Variants in NUDT3 observed in about 807,000 individuals in gnomAD.
NUDT3 encodes the protein nudix hydrolase 3, also known as diphosphoinositol polyphosphate phosphohydrolase 1.
A neutral mutation model predicts 23.6 loss-of-function variants in NUDT3; 9 were observed. That is an observed-to-expected ratio of 0.38 (90% confidence interval 0.23 to 0.66). NUDT3 has a LOEUF of 0.66. Among genes scored for constraint, NUDT3 ranks in the 30% least tolerant of loss-of-function variants. NUDT3 has a pLI of 0.52. For synonymous variants in NUDT3, 86 were observed against 82.6 expected (o/e 1.04, Z -0.22); for missense variants, 172 against 218.5 (o/e 0.79, Z 1.34).
chr6:34,335,965 A>G (rs958772118), intron 2 of NUDT3, among the ~76,000 whole-genome samples: 1 of 152,122 alleles, frequency 6.6e-6, no homozygotes, highest in Non-Finnish European at 1.5e-5. Flanking sequence ...ATTTTGCTAC[A>G]TGTATACAAT....
At chr6:34,331,559 C>T (rs1764128936) in intron 2 of NUDT3, among the ~76,000 whole-genome samples, 1 of 152,154 alleles carries the variant, frequency 6.6e-6, no homozygotes, top group Non-Finnish European at 1.5e-5. Context: ...AGGAGTAGCA[C>T]AGAAGTACTA....
intron 1 of NUDT3, among the ~76,000 whole-genome samples, chr6:34,361,344 G>T (rs1241672898): frequency 3.9e-5 from 6 of 152,200 alleles, no homozygotes; most frequent in Admixed American, 3.9e-4. Flanking sequence ...ACACCTATTA[G>T]AATAGCCAAA....
chr6:34,389,072 A>G (rs988698539), intron 1 of NUDT3, among the ~76,000 whole-genome samples: 5 of 151,772 alleles, frequency 3.3e-5, no homozygotes, highest in African/African-American at 1.2e-4. Flanking sequence ...GTTTGACAAT[A>G]GCCTGGGCAA....
chr6:34,358,115 CTATTT>C (rs1764591697), intron 1 of NUDT3, among the ~76,000 whole-genome samples: 1 of 152,124 alleles, frequency 6.6e-6, no homozygotes, highest in African/African-American at 2.4e-5. Context: ...TAGTAGTATT[CTATTT>C]TAAGTATCAC....
chr6:34,391,028 T>A, intron 1 of NUDT3, among the ~76,000 whole-genome samples: 1 of 152,218 alleles, frequency 6.6e-6, no homozygotes, highest in East Asian at 1.9e-4. Flanking sequence ...TCGTTCTGTT[T>A]TGCTGAAAGG....
chr6:34,373,911 T>C (rs1166401755), intron 1 of NUDT3, among the ~76,000 whole-genome samples: 1 of 152,172 alleles, frequency 6.6e-6, no homozygotes, highest in African/African-American at 2.4e-5. Flanking sequence ...CCCAGCACTT[T>C]GGGAGGCCAA....
intron 2 of NUDT3, among the ~76,000 whole-genome samples, chr6:34,323,346 C>G (rs993174897): frequency 6.6e-6 from 1 of 152,164 alleles, no homozygotes; most frequent in Admixed American, 6.5e-5. Context: ...GCATGTGTAT[C>G]TCTTGAACCC....
intron 2 of NUDT3, among the ~76,000 whole-genome samples, chr6:34,328,404 G>GC (rs1561908583): frequency 6.6e-6 from 1 of 152,170 alleles, no homozygotes; most frequent in Non-Finnish European, 1.5e-5. Flanking sequence ...GATTAAGCTA[G>GC]CGCCCACTCC....
chr6:34,310,357 C>T (rs1259332367), intron 2 of NUDT3, among the ~76,000 whole-genome samples: 1 of 151,510 alleles, frequency 6.6e-6, no homozygotes, highest in South Asian at 2.1e-4. Context: ...CAGTGAAACC[C>T]TGTGTCTACT....
At chr6:34,352,930 C>G (rs917447023) in intron 1 of NUDT3, among the ~76,000 whole-genome samples, 2 of 152,096 alleles carry the variant, frequency 1.3e-5, no homozygotes, top group Non-Finnish European at 1.5e-5. Context: ...TTCTGTTGTT[C>G]TAAACTGATA....
intron 1 of NUDT3, among the ~76,000 whole-genome samples, chr6:34,372,946 A>G (rs1764855277): frequency 6.6e-6 from 1 of 150,574 alleles, no homozygotes; most frequent in Non-Finnish European, 1.5e-5. Flanking sequence ...ACTAAATCTG[A>G]CAGGCTTTAA....
intron 1 of NUDT3, among the ~76,000 whole-genome samples, chr6:34,362,834 T>C (rs1764671126): frequency 6.6e-6 from 1 of 152,196 alleles, no homozygotes; most frequent in Non-Finnish European, 1.5e-5. Flanking sequence ...AGTGGATGTA[T>C]TTCTGTTTTA....
intron 1 of NUDT3, among the ~76,000 whole-genome samples, chr6:34,353,934 A>T (rs1764518646): frequency 6.7e-6 from 1 of 149,232 alleles, no homozygotes; most frequent in Non-Finnish European, 1.5e-5. Context: ...TTTTTTTGAG[A>T]CAGAGTTGCC....
At chr6:34,338,966 A>G (rs1256267683) in intron 2 of NUDT3, among the ~76,000 whole-genome samples, 4 of 152,244 alleles carry the variant, frequency 2.6e-5, no homozygotes, top group African/African-American at 9.6e-5. Context: ...AGCTCAAGAA[A>G]CACAGGCCAA....
intron 2 of NUDT3, among the ~76,000 whole-genome samples, chr6:34,308,043 C>T (rs1237999246): frequency 7.3e-6 from 1 of 137,572 alleles, no homozygotes; most frequent in Non-Finnish European, 1.5e-5. Context: ...ATCGCTTGAA[C>T]CTAGGAGGCA....
intron 2 of NUDT3, among the ~76,000 whole-genome samples, chr6:34,326,253 CAAA>C (rs1764026430): frequency 6.6e-6 from 1 of 152,166 alleles, no homozygotes; most frequent in Non-Finnish European, 1.5e-5. Flanking sequence ...ATAATTTTAG[CAAA>C]CTACATCTAG....
intron 2 of NUDT3, among the ~76,000 whole-genome samples, chr6:34,339,398 G>A (rs975772574): frequency 1.3e-5 from 2 of 152,138 alleles, no homozygotes; most frequent in African/African-American, 2.4e-5. Context: ...GATCCATCAG[G>A]AGAAATTCTC....
At chr6:34,333,558 C>T (rs563956598) in intron 2 of NUDT3, among the ~76,000 whole-genome samples, 33 of 152,302 alleles carry the variant, frequency 2.2e-4, no homozygotes, top group African/African-American at 7.7e-4. Flanking sequence ...CAAATCTTAC[C>T]TTGAGCATAT....
chr6:34,384,278 G>C (rs118002599), intron 1 of NUDT3, among the ~76,000 whole-genome samples: 1 of 152,272 alleles, frequency 6.6e-6, no homozygotes, highest in East Asian at 1.9e-4. Context: ...AAGAGATATA[G>C]GGCTTCTAGT....
Sources: allele counts gnomAD v4.1 joint callset (sites outside exome capture counted in the v4.1 genomes callset), GRCh38; gene constraint gnomAD v4.1.1; transcripts MANE v1.5; gene names NCBI Gene and HGNC (gene_info 2026-07-23, HGNC 2026-07-21).